Variants in DPP6 observed in about 807,000 individuals in gnomAD.
The protein encoded by DPP6 is dipeptidyl peptidase like 6, also known as A-type potassium channel modulatory protein DPP6.
Under a neutral mutation model 122.6 loss-of-function variants are expected in DPP6, and 69 were observed. The ratio of observed to expected loss-of-function variants is 0.56; its 90% confidence interval spans 0.46 to 0.69. The LOEUF (loss-of-function observed/expected upper bound fraction) is 0.69, where lower values mean the gene tolerates loss of function less well. DPP6 is among the 30% of genes least tolerant of loss of function. The probability of loss-of-function intolerance (pLI) is 0.00; values close to 1 mark genes in which losing one functional copy is unlikely to be tolerated. For missense variants in DPP6, 928 were observed against 1,116.9 expected, an observed-to-expected ratio of 0.83 and a Z score of 2.41; for synonymous variants, 418 against 433.1, an observed-to-expected ratio of 0.97 and a Z score of 0.43.
intron 1 of DPP6, among the ~76,000 whole-genome samples, chr7:154,396,960 A>G (rs1201268252): frequency 6.6e-6 from 1 of 151,864 alleles, no homozygotes; most frequent in African/African-American, 2.4e-5. Flanking sequence ...CAAAAAAAGT[A>G]CTCTTTTTTT....
intron 5 of DPP6, among the ~76,000 whole-genome samples, chr7:154,584,086 C>T (rs1348074690): frequency 1.3e-5 from 2 of 152,224 alleles, no homozygotes; most frequent in Non-Finnish European, 2.9e-5. Flanking sequence ...GGCCTCTTTG[C>T]CTCAGCCTCC....
At chr7:154,886,597 G>GCCCTGTTCCCT (rs1806174006) in intron 22 of DPP6, among the ~76,000 whole-genome samples, 1 of 152,212 alleles carries the variant, frequency 6.6e-6, no homozygotes, top group African/African-American at 2.4e-5. Flanking sequence ...CTCCGTGGCA[G>GCCCTGTTCCCT]CCAGGCTGTT....
At chr7:154,176,771 G>A (rs1234510160) in intron 1 of DPP6, among the ~76,000 whole-genome samples, 2 of 152,186 alleles carry the variant, frequency 1.3e-5, no homozygotes, top group Non-Finnish European at 2.9e-5. Flanking sequence ...GCGTGCCTGG[G>A]GCTTTCAGGG....
Position 154,060,517 on chromosome 7 carries a change from A to G in DPP6, c.243+7454A>G, listed in dbSNP as rs540605361. Among the ~76,000 whole-genome samples, 107 of 135,148 alleles carry G rather than the reference A, an allele frequency of 7.9e-4. 16 individuals are homozygous for G. The highest frequency in any genetic ancestry group is 3.1e-3 in the African/African-American group (103 of 33,506). 88.7% of individuals were successfully genotyped at this position (135,148 alleles called of 152,430 possible). Reference sequence around the variant, plus strand: ...AAGATCCTTAGGACCCACCTGGAGGACTGCGGGTGTTAGGTGTCCAAGTAG... The same window carrying G: ...AAGATCCTTAGGACCCACCTGGAGGGCTGCGGGTGTTAGGTGTCCAAGTAG... On this transcript the variant is annotated intron_variant, in intron 1 of 25. Transcript: ENST00000377770.
In DPP6 at chr7:153,961,345, T is replaced by A. The variant is rs552313633; in HGVS notation, c.51+73611T>A. On this transcript the variant is annotated intron_variant, in intron 1 of 25. Coordinates refer to the DPP6 transcript ENST00000404039. ...TTCATGTCCTTTTTCCTCATTTTTT[T>A]ATTTTATTTTTTTTTACCAGGGCCA... Among the ~76,000 whole-genome samples the A allele has an allele frequency of 7.2e-3, 405 of 56,170 alleles. 1 individual carries two copies. The highest frequency in any genetic ancestry group is 0.011 in the Admixed American group (55 of 4,992). The allele number at this position is 56,170 out of a possible 152,430, so 36.8% of individuals were successfully genotyped here. A position where few individuals can be genotyped will look rare whatever the true frequency, so the allele number is the denominator to read the frequency against.
At chr7:154,020,765 G>C (rs1032111177) in intron 1 of DPP6, among the ~76,000 whole-genome samples, 33 of 152,154 alleles carry the variant, frequency 2.2e-4, no homozygotes, top group African/African-American at 4.1e-4. Context: ...AAGTGCAAGA[G>C]TGAAAGGAGG....
At chr7:153,953,084 G>A (rs974064307) in intron 1 of DPP6, among the ~76,000 whole-genome samples, 6 of 152,202 alleles carry the variant, frequency 3.9e-5, no homozygotes, top group African/African-American at 1.4e-4. Context: ...GCAGTGAAAT[G>A]AGATAGTTCA....
chr7:154,463,153 A>G (rs1821440309), intron 2 of DPP6, among the ~76,000 whole-genome samples: 1 of 148,982 alleles, frequency 6.7e-6, no homozygotes, highest in Non-Finnish European at 1.5e-5. Flanking sequence ...GCTGGTACCT[A>G]AGTTGCAACA....
chr7:153,779,252 G>C, the DPP6 span, among the ~76,000 whole-genome samples: 2 of 147,108 alleles, frequency 1.4e-5, no homozygotes, highest in Admixed American at 1.3e-4. Flanking sequence ...AGATAAGCAT[G>C]AAGTATCTTG....
intron 23 of DPP6, among the ~76,000 whole-genome samples, chr7:154,888,420 G>T (rs190841748): frequency 6.6e-6 from 1 of 152,160 alleles, no homozygotes; most frequent in Non-Finnish European, 1.5e-5. Flanking sequence ...GGAGCAGAAG[G>T]CCTCTCTGAT....
At chr7:153,767,583 TAGCC>T in the DPP6 span, among the ~76,000 whole-genome samples, 1 of 151,386 alleles carries the variant, frequency 6.6e-6, no homozygotes, top group Non-Finnish European at 1.5e-5. Flanking sequence ...TTCACCGTGT[TAGCC>T]AGGCTGGTCT....
intron 16 of DPP6, chr7:154,838,992 A>AC (rs2150545162): frequency 6.6e-6 from 1 of 152,340 alleles, no homozygotes; most frequent in African/African-American, 2.4e-5. Flanking sequence ...ACTAACCCTC[A>AC]CCAACCAACC....
At chr7:154,739,955 T>C (rs747520530) in intron 8 of DPP6, among the ~76,000 whole-genome samples, 5 of 152,198 alleles carry the variant, frequency 3.3e-5, no homozygotes, top group Admixed American at 1.3e-4. Flanking sequence ...AGTAGAAGCT[T>C]TGTTAATATT....
intron 1 of DPP6, among the ~76,000 whole-genome samples, chr7:154,243,881 TA>T (rs571948233): frequency 6.7e-6 from 1 of 148,906 alleles, no homozygotes. Flanking sequence ...AAGCAGAGAT[TA>T]AAAAAAAAAT....
chr7:154,019,465 T>TCCTC (rs959266946), intron 1 of DPP6, among the ~76,000 whole-genome samples: 4 of 151,136 alleles, frequency 2.6e-5, no homozygotes, highest in African/African-American at 7.3e-5. Context: ...TTCCCTCCCT[T>TCCTC]CCTCCCTCCC....
At chr7:154,680,631 C>CTA (rs1563097169) in intron 7 of DPP6, among the ~76,000 whole-genome samples, 1 of 151,814 alleles carries the variant, frequency 6.6e-6, no homozygotes, top group East Asian at 1.9e-4. Flanking sequence ...ACTGGCCAGA[C>CTA]TGGGCTTTTT....
intron 1 of DPP6, among the ~76,000 whole-genome samples, chr7:154,350,506 A>G (rs1466965517): frequency 6.6e-6 from 1 of 152,188 alleles, no homozygotes; most frequent in Non-Finnish European, 1.5e-5. Context: ...TCAACCGAGT[A>G]TCATGGAGAC....
chr7:153,888,076 T>G (rs1799018106), intron 1 of DPP6, among the ~76,000 whole-genome samples: 1 of 152,078 alleles, frequency 6.6e-6, no homozygotes, highest in African/African-American at 2.4e-5. Context: ...CCAGGGCTCT[T>G]CTGGGGAAAC....
At position 154,124,723 on chromosome 7, in the gene DPP6, T is replaced by G. The variant is rs570815308; in HGVS notation, c.243+71660T>G. On this transcript the variant is annotated intron_variant, in intron 1 of 25. Transcript: ENST00000377770. ...GCAATTGGTTGAATATGGACACCAT[T>G]TTCTGTCACTGAGAAGACTCAGGGA... is the stretch of plus-strand genomic sequence containing the variant. 3.3e-4 allele frequency among the ~76,000 whole-genome samples: 51 copies of G among 152,282 alleles called. 1 individual carries two copies. The South Asian group carries it at 0.01, about 31-fold the overall frequency.
Sources: gnomAD v4.1 joint callset for allele counts (sites outside exome capture counted in the v4.1 genomes callset) on GRCh38, gnomAD v4.1.1 for gene constraint, MANE v1.5 for transcripts, NCBI Gene and HGNC (gene_info 2026-07-23, HGNC 2026-07-21) for gene names.